ACOT7: variants seen among roughly 807,000 people sequenced by gnomAD.
ACOT7 encodes cytosolic acyl coenzyme A thioester hydrolase.
A neutral mutation model predicts 40.2 loss-of-function variants in ACOT7; 12 were observed. The observed-to-expected ratio is 0.30, with a 90% confidence interval of 0.19 to 0.48. The LOEUF (loss-of-function observed/expected upper bound fraction) is 0.48. ACOT7 is among the 20% of genes least tolerant of loss of function. ACOT7 has a pLI of 0.99. For synonymous variants in ACOT7, 228 were observed against 219.5 expected (o/e 1.04, Z -0.34); for missense variants, 395 against 530.8 (o/e 0.74, Z 2.51).
chr1:6,352,618 G>A lies in ACOT7; in HGVS notation c.144-2752C>T, dbSNP rs1199198980. ...TCTTTTTTTTTTTTTTTGAGACGGC[G>A]TCTCGCTCTGTCTCCCAGGCTGGAG... is the stretch of plus-strand genomic sequence containing the variant. On this transcript the variant is annotated intron_variant, in intron 1 of 8. Coordinates refer to ENST00000361521, the MANE Select transcript of ACOT7 (RefSeq NM_007274.4). This position sits in a 1 kb window ranked among gnomAD's most constrained non-coding sequence, Gnocchi z 4.5. Among the ~76,000 whole-genome samples, 6 of 150,558 alleles carry A rather than the reference G, an allele frequency of 4.0e-5. No individual in the cohort carries two copies. Among genetic ancestry groups the A allele is most frequent in the Admixed American group, 6.6e-5 (1 of 15,134 alleles).
intron 6 of ACOT7, among the ~76,000 whole-genome samples, chr1:6,316,321 AACAGCTGTTCTGCGGGC>A (rs1259495629): frequency 6.6e-6 from 1 of 152,198 alleles, no homozygotes; most frequent in Non-Finnish European, 1.5e-5. Context: ...CCTCTGAGGC[AACAGCTGTTCTGCGGGC>A]AGCAAGACAC....
At chr1:6,267,232 A>G (rs1482540501) in intron 8 of ACOT7, among the ~76,000 whole-genome samples, 3 of 152,210 alleles carry the variant, frequency 2.0e-5, no homozygotes, top group Admixed American at 2.0e-4. Context: ...GAATGTGCAG[A>G]TGTGGGAGAC....
At chr1:6,341,943 C>G (rs942940908) in intron 2 of ACOT7, among the ~76,000 whole-genome samples, 1 of 152,150 alleles carries the variant, frequency 6.6e-6, no homozygotes, top group Non-Finnish European at 1.5e-5. Context: ...GTGGGGCTCC[C>G]AGATGGTGGA....
chr1:6,373,780 G>A (rs967169267), intron 1 of ACOT7, among the ~76,000 whole-genome samples: 1 of 151,702 alleles, frequency 6.6e-6, no homozygotes, highest in Admixed American at 6.6e-5. Context: ...CAGGAGAATC[G>A]CTTGAATCCA....
chr1:6,296,814 C>A (rs1639825313), intron 6 of ACOT7, among the ~76,000 whole-genome samples: 1 of 152,044 alleles, frequency 6.6e-6, no homozygotes, highest in Non-Finnish European at 1.5e-5. Context: ...TCAAGTGATC[C>A]TCCTGCTTCA....
chr1:6,299,141 C>A lies in ACOT7; in HGVS notation c.713-4161G>T, dbSNP rs1343799997. Among the ~76,000 whole-genome samples the A allele has an allele frequency of 6.6e-6, 1 of 152,236 alleles. No homozygotes were observed. The highest frequency in any genetic ancestry group is 2.4e-5 in the African/African-American group (1 of 41,468). On this transcript the variant is annotated intron_variant, in intron 6 of 8. Transcript: ENST00000361521. This position sits in a 1 kb window ranked among gnomAD's most constrained non-coding sequence, Gnocchi z 4.1. Reference sequence around the variant, plus strand: ...TGCCGGCTGGGTGACCTTGGGCAGGCAGGTTGCCCTCCCTGAGCCGTGGGC... The same window carrying A: ...TGCCGGCTGGGTGACCTTGGGCAGGAAGGTTGCCCTCCCTGAGCCGTGGGC...
chr1:6,337,336 C>A (rs1047725975), intron 3 of ACOT7, among the ~76,000 whole-genome samples: 1 of 152,254 alleles, frequency 6.6e-6, no homozygotes, highest in Non-Finnish European at 1.5e-5. Context: ...GCCTCTCCCC[C>A]TCTCAGCCCC....
chr1:6,271,830 C>T (rs1247680614), intron 8 of ACOT7, among the ~76,000 whole-genome samples: 2 of 152,276 alleles, frequency 1.3e-5, no homozygotes, highest in Admixed American at 1.3e-4. Flanking sequence ...GAACTGCCCC[C>T]AAGTGGGGCC....
chr1:6,393,298 C>G lies in ACOT7; in HGVS notation c.102G>C (p.Ser34=). Residue 34 remains serine (S), a synonymous_variant, in exon 1 of 9, where the codon TCG becomes TCC. Coordinates refer to ENST00000361521, the MANE Select transcript of ACOT7 (RefSeq NM_007274.4). The part of the protein sequence containing the change: ...AASAAAAPSM[S]GPDVETPSAI... ...CGGACGGCGTCTCGACGTCTGGGCC[C>G]GACATGCTGGGGGCTGCGGCGGCGG... 7.8e-7 allele frequency: 1 copy of G among 1,284,464 alleles called. No homozygotes were observed. The highest frequency in any genetic ancestry group is 9.8e-7 in the Non-Finnish European group (1 of 1,015,336). The allele number at this position is 1,284,464 out of a possible 1,614,324, so 79.6% of individuals were successfully genotyped here. A position where few individuals can be genotyped will look rare whatever the true frequency, so the allele number is the denominator to read the frequency against.
At chr1:6,341,628 G>A (rs1641279871) in intron 2 of ACOT7, among the ~76,000 whole-genome samples, 1 of 152,186 alleles carries the variant, frequency 6.6e-6, no homozygotes, top group South Asian at 2.1e-4. Context: ...TGTAGTCCCA[G>A]TTACTCGGGA....
At position 6,288,731 on chromosome 1, in the gene ACOT7, G is replaced by A. The variant is rs1401343326; in HGVS notation, c.829+6133C>T. ...ACAGAGCTGGGCCCACGGCAGGGTG[G>A]CAGTGGCCTCCATGGCCGCGGGTGA... On this transcript the variant is annotated intron_variant, in intron 7 of 8. Coordinates refer to ENST00000361521, the MANE Select transcript of ACOT7 (RefSeq NM_007274.4). The surrounding 1 kb of genome is among the most constrained non-coding windows in gnomAD (Gnocchi z 4.3). 2.6e-5 allele frequency among the ~76,000 whole-genome samples: 4 copies of A among 152,228 alleles called. No homozygotes were observed. The highest frequency in any genetic ancestry group is 6.5e-5 in the Admixed American group (1 of 15,290).
rs1370568452 is a variant in ACOT7, at chr1:6,349,731, T to C, written c.261+18A>G. On this transcript the variant is annotated intron_variant, in intron 2 of 8. Coordinates refer to ENST00000361521, the MANE Select transcript of ACOT7 (RefSeq NM_007274.4). ...GTGCGGCCTCCAGGGCCCAGAGGTA[T>C]GGGGCCCAGACCCTTACCCCGTTCT... The C allele has an allele frequency of 6.2e-7, 1 of 1,605,654 alleles. No homozygotes were observed. Among genetic ancestry groups the C allele is most frequent in the Non-Finnish European group, 8.5e-7 (1 of 1,175,054 alleles).
intron 1 of ACOT7, among the ~76,000 whole-genome samples, chr1:6,356,939 C>T (rs537539924): frequency 1.4e-5 from 2 of 147,382 alleles, no homozygotes; most frequent in Admixed American, 6.8e-5. Flanking sequence ...AAAAGGACGA[C>T]GACGACTACA....
chr1:6,328,671 G>T (rs1421720083), intron 4 of ACOT7, among the ~76,000 whole-genome samples: 3 of 152,214 alleles, frequency 2.0e-5, no homozygotes, highest in African/African-American at 2.4e-5. Context: ...GACAGAGCGA[G>T]ACTCCGTCTA....
intron 1 of ACOT7, among the ~76,000 whole-genome samples, chr1:6,384,570 C>T (rs1056868082): frequency 6.6e-6 from 1 of 151,848 alleles, no homozygotes; most frequent in African/African-American, 2.4e-5. Flanking sequence ...CCCACTTCTC[C>T]AACTCTCCGA....
chr1:6,268,380 A>T (rs1247838231), intron 8 of ACOT7, among the ~76,000 whole-genome samples: 1 of 152,224 alleles, frequency 6.6e-6, no homozygotes, highest in East Asian at 1.9e-4. Flanking sequence ...ACTTTTGCGT[A>T]TATTTGACCT....
chr1:6,343,209 CT>C (rs918859342), intron 2 of ACOT7, among the ~76,000 whole-genome samples: 8 of 152,208 alleles, frequency 5.3e-5, no homozygotes, highest in Admixed American at 1.3e-4. Flanking sequence ...ACTTCAAGCC[CT>C]GGTGTGTGCG....
intron 8 of ACOT7, among the ~76,000 whole-genome samples, chr1:6,265,363 CCTATGG>C (rs377182351): frequency 0.011 from 1,615 of 152,336 alleles, 19 homozygotes; most frequent in Non-Finnish European, 0.015. Context: ...TGCTGTGCTG[CCTATGG>C]CCTTGAGAAG....
intron 5 of ACOT7, among the ~76,000 whole-genome samples, chr1:6,319,397 T>A (rs1046476520): frequency 6.6e-6 from 1 of 152,190 alleles, no homozygotes; most frequent in African/African-American, 2.4e-5. Context: ...TTCACCATAT[T>A]GGCCAGGCTG....
Sources: gnomAD v4.1 joint callset for allele counts (sites outside exome capture counted in the v4.1 genomes callset) on GRCh38, gnomAD v4.1.1 for gene constraint, Gnocchi (gnomAD v3.1) non-coding constraint, MANE v1.5 for transcripts, NCBI Gene and HGNC (gene_info 2026-07-23, HGNC 2026-07-21) for gene names.